VWA8: variants seen among roughly 807,000 people sequenced by gnomAD.
The protein encoded by VWA8 is von Willebrand factor A domain containing 8.
Under a neutral mutation model 241.5 loss-of-function variants are expected in VWA8, and 221 were observed. The ratio of observed to expected loss-of-function variants is 0.91; its 90% CI spans 0.82 to 1.02. The LOEUF is 1.02. Among genes scored for constraint, VWA8 ranks in the 50% least tolerant of loss-of-function variants. VWA8 has a pLI of 0.00. For missense variants in VWA8, 2,322 were observed against 2,328.7 expected (o/e 1.00, Z 0.06); for synonymous variants, 852 against 827.1 (o/e 1.03, Z -0.52).
intron 44 of VWA8, among the ~76,000 whole-genome samples, chr13:41,570,108 G>A (rs890239538): frequency 2.0e-5 from 3 of 152,082 alleles, no homozygotes; most frequent in South Asian, 2.1e-4. Flanking sequence ...AGATGTTCAC[G>A]ATTTTTAATA....
At position 41,701,511 on chromosome 13, in the gene VWA8, A is replaced by C; in HGVS notation, c.3245T>G (p.Ile1082Arg). 1.2e-6 allele frequency: 2 copies of C among 1,608,866 alleles called. No homozygotes were observed. Among genetic ancestry groups the C allele is most frequent in the Middle Eastern group, 1.7e-4 (1 of 6,030 alleles). ...ATGTCTTTCTATTGGATACTCCTGT[A>C]TATTTATAAGTGCTGGACCCTATAA... ...IDIKGPALINIQEYPIERHEE... is the reference protein window; with the variant it reads ...IDIKGPALINRQEYPIERHEE... Residue 1082 changes from isoleucine (I) to arginine (R), a missense_variant, in exon 28 of 45, where the codon ATA becomes AGA. Physicochemically the swap from Ile to Arg is moderately conservative, Grantham distance 97 (BLOSUM62 -3). Transcript: ENST00000379310.
chr13:41,947,951 AAACAAAACAAAAC>A (rs1877935025), intron 2 of VWA8, among the ~76,000 whole-genome samples: 1 of 131,066 alleles, frequency 7.6e-6, no homozygotes, highest in African/African-American at 2.9e-5. Flanking sequence ...AAAAAAAAAA[AAACAAAACAAAAC>A]ATTTTGGTAA....
rs186633613 is a variant in VWA8 at position 41,617,070 on chromosome 13, C to T, written c.4612-1986G>A. Among the ~76,000 whole-genome samples, 4 of 152,016 alleles carry T rather than the reference C, an allele frequency of 2.6e-5. No individual in the cohort carries two copies. The East Asian group carries it at 7.7e-4, about 29-fold the overall frequency. ...ACTATATGAAAGGTATGATTACAGT[C>T]TAAATTTTTTTAAAACAAACAGAAT... On this transcript the variant is annotated intron_variant, in intron 37 of 44. Coordinates refer to ENST00000379310, the MANE Select transcript of VWA8 (RefSeq NM_015058.2).
chr13:41,867,428 T>C (rs1873364539), intron 10 of VWA8, among the ~76,000 whole-genome samples: 1 of 152,228 alleles, frequency 6.6e-6, no homozygotes, highest in African/African-American at 2.4e-5. Flanking sequence ...AGTGGGGAAC[T>C]GTCCCTGTCT....
At chr13:41,681,946 T>C (rs930727562) in intron 35 of VWA8, among the ~76,000 whole-genome samples, 3 of 152,188 alleles carry the variant, frequency 2.0e-5, no homozygotes, top group Admixed American at 2.0e-4. Flanking sequence ...AGTTATGTAA[T>C]GGACAAACCA....
At position 41,891,465 on chromosome 13, in the gene VWA8, A is replaced by T; in HGVS notation, c.606T>A (p.Asp202Glu). The T allele has an allele frequency of 6.2e-7, 1 of 1,614,246 alleles. No homozygotes were observed. The highest frequency in any genetic ancestry group is 1.7e-5 in the Admixed American group (1 of 60,034). ...LLENREMQLE[D>E]GRFLMSAERY... ...GCTCAGCAGACATCAGGAAGCGTCC[A>T]TCTTCAAGCTGCATCTCTCTGTTTT... Residue 202 changes from aspartate to glutamate, a missense_variant, in exon 5 of 45, where the codon GAT becomes GAA. By Grantham distance (45) the Asp-to-Glu change is conservative (BLOSUM62 2). Transcript: ENST00000379310.
At chr13:41,871,799 A>T (rs981154420) in intron 9 of VWA8, among the ~76,000 whole-genome samples, 6 of 152,190 alleles carry the variant, frequency 3.9e-5, no homozygotes, top group Non-Finnish European at 8.8e-5. Flanking sequence ...AGCATGATTT[A>T]TAGTCCTTTG....
Position 41,671,031 on chromosome 13 carries a change from C to T in VWA8, c.4526G>A (p.Arg1509Lys), listed in dbSNP as rs2045018919. 1 of 1,614,004 alleles carries T rather than the reference C, an allele frequency of 6.2e-7. No homozygotes were observed. The highest frequency in any genetic ancestry group is 8.5e-7 in the Non-Finnish European group (1 of 1,179,900). Reference protein sequence around the residue: ...VVTVDMGGHIRLWETGLERLQ... With the variant: ...VVTVDMGGHIKLWETGLERLQ... The stretch of plus-strand genomic sequence containing the variant: ...ACGTTCAAGTCCAGTTTCCCAAAGC[C>T]TGATGTGACCTCCCATATCAACAGT... Residue 1509 changes from arginine to lysine, a missense_variant, in exon 37 of 45, where the codon AGG (arginine) becomes AAG (lysine). Coordinates refer to ENST00000379310, the MANE Select transcript of VWA8 (RefSeq NM_015058.2).
intron 37 of VWA8, among the ~76,000 whole-genome samples, chr13:41,624,177 T>TA (rs1169802737): frequency 6.6e-6 from 1 of 151,944 alleles, no homozygotes; most frequent in African/African-American, 2.4e-5. Context: ...GAATCAGTAA[T>TA]AAAAAAACCT....
intron 5 of VWA8, among the ~76,000 whole-genome samples, chr13:41,888,127 C>A (rs1215310150): frequency 6.6e-6 from 1 of 152,176 alleles, no homozygotes; most frequent in South Asian, 2.1e-4. Context: ...ATTATTGTGA[C>A]TGCTAGGAAA....
chr13:41,665,384 G>C (rs184929515), intron 37 of VWA8, among the ~76,000 whole-genome samples: 3 of 152,162 alleles, frequency 2.0e-5, no homozygotes, highest in Admixed American at 6.5e-5. Flanking sequence ...CACCTACAAA[G>C]TTGAACCAGG....
chr13:41,947,931 C>CA (rs1218456579), intron 2 of VWA8, among the ~76,000 whole-genome samples: 2,329 of 20,412 alleles, frequency 0.11, 666 homozygotes, highest in East Asian at 0.35. Flanking sequence ...GACCCTGTCT[C>CA]AAAAAAAAAA....
At chr13:41,889,930 C>T (rs1374250457) in intron 5 of VWA8, among the ~76,000 whole-genome samples, 1 of 152,170 alleles carries the variant, frequency 6.6e-6, no homozygotes, top group African/African-American at 2.4e-5. Context: ...AGAAAACGTT[C>T]TGCATAATAG....
intron 21 of VWA8, among the ~76,000 whole-genome samples, chr13:41,745,338 G>C (rs1021447863): frequency 3.9e-5 from 6 of 152,002 alleles, no homozygotes; most frequent in African/African-American, 1.5e-4. Flanking sequence ...CCGGCTCTGT[G>C]TCCAAGCGTT....
chr13:41,571,959 C>T (rs536534580), intron 43 of VWA8, among the ~76,000 whole-genome samples: 26 of 151,938 alleles, frequency 1.7e-4, no homozygotes, highest in South Asian at 1.5e-3. Context: ...TCTGACCGGC[C>T]GCCCAGTCTG....
At chr13:41,909,385 G>C (rs1039608606) in intron 3 of VWA8, among the ~76,000 whole-genome samples, 1 of 152,162 alleles carries the variant, frequency 6.6e-6, no homozygotes, top group African/African-American at 2.4e-5. Context: ...TTTTTAAATA[G>C]AGAAAACACC....
chr13:41,884,588 AAAGAAAAAAGCAC>A (rs1306191184), intron 8 of VWA8, among the ~76,000 whole-genome samples: 5 of 151,920 alleles, frequency 3.3e-5, no homozygotes, highest in African/African-American at 1.2e-4. Flanking sequence ...GGAAAAAAAA[AAAGAAAAAAGCAC>A]ATGCAAACAA....
chr13:41,810,111 A>C (rs547608188), intron 17 of VWA8, among the ~76,000 whole-genome samples: 1 of 152,140 alleles, frequency 6.6e-6, no homozygotes, highest in Non-Finnish European at 1.5e-5. Flanking sequence ...AATACCAGCA[A>C]GTAAGTGAAG....
At chr13:41,833,626 C>G in intron 12 of VWA8, 95 bp from the exon 13 acceptor site, 1 of 1,302,782 alleles carries the variant, frequency 7.7e-7, no homozygotes, top group Non-Finnish European at 1.0e-6. Flanking sequence ...TCACCTCCGT[C>G]TGAACTTAAC....
Sources: gnomAD v4.1 joint callset for allele counts (sites outside exome capture counted in the v4.1 genomes callset) on GRCh38, gnomAD v4.1.1 for gene constraint, MANE v1.5 for transcripts, NCBI Gene and HGNC (gene_info 2026-07-23, HGNC 2026-07-21) for gene names.